The following NUDCD3 variants were observed in gnomAD, a reference collection of about 807,000 sequenced individuals.
NUDCD3 encodes the protein NudC domain containing 3, also known as nudC domain-containing protein 3.
A neutral mutation model predicts 39.7 loss-of-function variants in NUDCD3; 13 were observed. The ratio of observed to expected loss-of-function variants is 0.33; its 90% CI spans 0.21 to 0.52. NUDCD3 has a LOEUF of 0.52. Among genes scored for constraint, NUDCD3 ranks in the 20% least tolerant of loss-of-function variants. The probability of loss-of-function intolerance (pLI) is 0.96; values close to 1 mark genes in which losing one functional copy is unlikely to be tolerated. For synonymous variants in NUDCD3, 175 were observed against 172.4 expected, an observed-to-expected ratio of 1.02 and a Z score of -0.12; for missense variants, 453 against 458.1, an observed-to-expected ratio of 0.99 and a Z score of 0.10.
chr7:44,473,615 T>C (rs1040147875), intron 2 of NUDCD3, among the ~76,000 whole-genome samples: 1 of 152,188 alleles, frequency 6.6e-6, no homozygotes, highest in Admixed American at 6.5e-5. Flanking sequence ...GGAAAATATA[T>C]ACATACATAT....
intron 3 of NUDCD3, among the ~76,000 whole-genome samples, chr7:44,407,428 G>A (rs2116877816): frequency 6.6e-6 from 1 of 151,928 alleles, no homozygotes; most frequent in East Asian, 1.9e-4. Context: ...AGCCAGGCGT[G>A]GTGTTGTATG....
chr7:44,418,126 A>G (rs1799061860), intron 3 of NUDCD3, among the ~76,000 whole-genome samples: 1 of 152,106 alleles, frequency 6.6e-6, no homozygotes, highest in Non-Finnish European at 1.5e-5. Context: ...CTGCAGAGGG[A>G]GTGGTCATGG....
intron 4 of NUDCD3, among the ~76,000 whole-genome samples, chr7:44,395,971 C>T (rs1187965156): frequency 2.0e-5 from 3 of 152,148 alleles, no homozygotes; most frequent in Non-Finnish European, 4.4e-5. Context: ...CTACAGTTAA[C>T]TTTTTGAGGA....
At chr7:44,397,313 G>A (rs933742146) in intron 4 of NUDCD3, among the ~76,000 whole-genome samples, 1 of 152,202 alleles carries the variant, frequency 6.6e-6, no homozygotes, top group Admixed American at 6.5e-5. Flanking sequence ...CAATCAGGTA[G>A]AGAGCTGCTG....
At chr7:44,434,172 T>C (rs1180550801) in intron 2 of NUDCD3, among the ~76,000 whole-genome samples, 2 of 152,318 alleles carry the variant, frequency 1.3e-5, no homozygotes, top group East Asian at 3.9e-4. Context: ...TGTTCACTCC[T>C]GAGAGCTCGT....
intron 2 of NUDCD3, among the ~76,000 whole-genome samples, chr7:44,442,537 G>A (rs1423391032): frequency 6.6e-6 from 1 of 152,168 alleles, no homozygotes; most frequent in Non-Finnish European, 1.5e-5. Flanking sequence ...CACGAGGGCT[G>A]AAGATGGGAG....
At chr7:44,396,815 A>G (rs562986333) in intron 4 of NUDCD3, among the ~76,000 whole-genome samples, 5 of 152,336 alleles carry the variant, frequency 3.3e-5, no homozygotes, top group African/African-American at 1.2e-4. Context: ...CAGGTCTTGC[A>G]GGGCTGTCTT....
In NUDCD3 at chr7:44,489,124, C is replaced by T. The variant is rs79924653; in HGVS notation, c.192+1285G>A. Among the ~76,000 whole-genome samples, 594 of 152,300 alleles carry T rather than the reference C, an allele frequency of 3.9e-3. 6 individuals carry two copies. The highest frequency in any genetic ancestry group is 0.014 in the African/African-American group (577 of 41,560). The stretch of plus-strand genomic sequence containing the variant: ...TAGTTTCAGCTCTACGGTGAACTGG[C>T]TGTGTGTTCTTGGTCAAATCACTTA... On this transcript the variant is annotated intron_variant, in intron 1 of 5. Transcript: ENST00000355451.
intron 4 of NUDCD3, among the ~76,000 whole-genome samples, chr7:44,402,284 T>C (rs964103543): frequency 5.9e-5 from 9 of 152,236 alleles, no homozygotes; most frequent in African/African-American, 9.6e-5. Flanking sequence ...ACTGTGTTCA[T>C]TGAATGGCGG....
intron 3 of NUDCD3, among the ~76,000 whole-genome samples, chr7:44,426,572 G>A (rs6973305): frequency 0.13 from 19,427 of 151,966 alleles, 1,607 homozygotes; most frequent in Non-Finnish European, 0.19. Flanking sequence ...CGAGGCGGGC[G>A]GATCACGAGG....
intron 3 of NUDCD3, among the ~76,000 whole-genome samples, chr7:44,423,677 T>C (rs1338684147): frequency 2.0e-5 from 3 of 152,176 alleles, no homozygotes; most frequent in East Asian, 1.9e-4. Context: ...TCCATGCTCA[T>C]GGATAGGAAG....
chr7:44,449,100 G>C lies in NUDCD3; in HGVS notation c.510-21397C>G, dbSNP rs535354954. Among the ~76,000 whole-genome samples the C allele has an allele frequency of 3.3e-5, 5 of 152,302 alleles. No homozygotes were observed. The South Asian group carries it at 8.3e-4, about 25-fold the overall frequency. Reference sequence around the variant, plus strand: ...CACAGATGTATGGCTTCAGGCTCTGGGAATGGATGAGCTCTCCAAGGGAGA... The same window carrying C: ...CACAGATGTATGGCTTCAGGCTCTGCGAATGGATGAGCTCTCCAAGGGAGA... On this transcript the variant is annotated intron_variant, in intron 2 of 5. Coordinates refer to ENST00000355451, the MANE Select transcript of NUDCD3 (RefSeq NM_015332.4).
chr7:44,456,458 C>A (rs972072783), intron 2 of NUDCD3, among the ~76,000 whole-genome samples: 2 of 152,172 alleles, frequency 1.3e-5, no homozygotes, highest in African/African-American at 4.8e-5. Flanking sequence ...CACTATTGCA[C>A]TCGACTTGTC....
intron 2 of NUDCD3, among the ~76,000 whole-genome samples, chr7:44,447,397 G>A (rs1799708584): frequency 1.3e-5 from 2 of 152,216 alleles, no homozygotes; most frequent in Admixed American, 1.3e-4. Context: ...AAATTCAGGT[G>A]TGGAAACTTA....
intron 4 of NUDCD3, among the ~76,000 whole-genome samples, chr7:44,400,844 C>G (rs1385686845): frequency 6.6e-6 from 1 of 152,180 alleles, no homozygotes; most frequent in East Asian, 1.9e-4. Flanking sequence ...ACTGGATAAT[C>G]CAGGGTGATT....
At chr7:44,474,363 G>A (rs558016045) in intron 2 of NUDCD3, among the ~76,000 whole-genome samples, 1 of 152,142 alleles carries the variant, frequency 6.6e-6, no homozygotes, top group Non-Finnish European at 1.5e-5. Context: ...GTTAGTCCAC[G>A]AGGTAGTTCT....
intron 3 of NUDCD3, among the ~76,000 whole-genome samples, chr7:44,421,072 A>T (rs1489151060): frequency 6.6e-6 from 1 of 152,156 alleles, no homozygotes; most frequent in Non-Finnish European, 1.5e-5. Context: ...GGTGGCTCAC[A>T]CCTGTAATCC....
In NUDCD3 at chr7:44,431,386, T is replaced by G. The variant is rs549819829; in HGVS notation, c.510-3683A>C. 1.2e-3 allele frequency among the ~76,000 whole-genome samples: 188 copies of G among 152,244 alleles called. 1 individual carries two copies. The highest frequency in any genetic ancestry group is 7.2e-4 in the Admixed American group (11 of 15,286). Reference sequence around the variant, plus strand: ...AAAACACAGAACAGGCTCTGTTGGGTGCTGTGGGTAGCAGGGCCCTCTGTC... The same window carrying G: ...AAAACACAGAACAGGCTCTGTTGGGGGCTGTGGGTAGCAGGGCCCTCTGTC... On this transcript the variant is annotated intron_variant, in intron 2 of 5. Transcript: ENST00000355451.
rs768286216 is a variant in NUDCD3 at position 44,427,706 on chromosome 7, G to A, written c.510-3C>T. 16 of 1,613,600 alleles carry A rather than the reference G, an allele frequency of 9.9e-6. No homozygotes were observed. The South Asian group carries it at 1.6e-4, about 17-fold the overall frequency. On this transcript the variant is annotated splice_polypyrimidine_tract_variant and splice_region_variant and intron_variant, in intron 2 of 5. Transcript: ENST00000355451. ...TTTTCTGGAACTGCTCCTGAATCCT[G>A]AGAAAGAATAAAAAATGTGATCCCA...
Sources: gnomAD v4.1 joint callset for allele counts (sites outside exome capture counted in the v4.1 genomes callset) on GRCh38, gnomAD v4.1.1 for gene constraint, MANE v1.5 for transcripts, NCBI Gene and HGNC (gene_info 2026-07-23, HGNC 2026-07-21) for gene names.